The following CDK14 variants were observed in gnomAD, a reference collection of about 807,000 sequenced individuals.
CDK14 encodes the protein cyclin dependent kinase 14, also known as cyclin-dependent kinase 14.
CDK14 carries 34 observed loss-of-function variants against 60.7 expected under a neutral mutation model. That is an observed-to-expected ratio of 0.56 (90% confidence interval 0.43 to 0.75). The LOEUF is 0.75. Ranked by LOEUF, CDK14 falls within the 30% of genes least tolerant of loss-of-function variation. The pLI is 0.00. For synonymous variants in CDK14, 197 were observed against 203.7 expected, an observed-to-expected ratio of 0.97 and a Z score of 0.28; for missense variants, 482 against 564.1, an observed-to-expected ratio of 0.85 and a Z score of 1.47.
At chr7:91,108,871 A>G (rs917850292) in intron 12 of CDK14, among the ~76,000 whole-genome samples, 7 of 152,194 alleles carry the variant, frequency 4.6e-5, no homozygotes, top group Non-Finnish European at 1.0e-4. Flanking sequence ...AAGTTAATTT[A>G]ATGTCTGCAT....
chr7:90,640,962 G>C (rs973148963), intron 2 of CDK14, among the ~76,000 whole-genome samples: 5 of 151,942 alleles, frequency 3.3e-5, no homozygotes, highest in South Asian at 4.2e-4. Context: ...CTTCAAAGAG[G>C]ATATACACAT....
chr7:90,957,005 A>G (rs1039922167), intron 9 of CDK14, among the ~76,000 whole-genome samples: 3 of 150,668 alleles, frequency 2.0e-5, no homozygotes, highest in Admixed American at 6.6e-5. Context: ...TTCTTAATCC[A>G]GTCTATCATT....
chr7:90,812,035 C>T (rs557691005), intron 5 of CDK14, among the ~76,000 whole-genome samples: 3 of 152,282 alleles, frequency 2.0e-5, no homozygotes, highest in African/African-American at 4.8e-5. Flanking sequence ...TAAACTAGTT[C>T]AACCATTGTG....
chr7:90,781,006 T>A (rs980117045), intron 4 of CDK14, among the ~76,000 whole-genome samples: 2 of 152,056 alleles, frequency 1.3e-5, no homozygotes, highest in East Asian at 3.9e-4. Flanking sequence ...TGAACTAGTT[T>A]ACAGTCCCAC....
intron 14 of CDK14, among the ~76,000 whole-genome samples, chr7:91,125,315 A>C (rs1562915241): frequency 1.3e-5 from 2 of 152,228 alleles, no homozygotes; most frequent in Admixed American, 1.3e-4. Context: ...TTCTAGACAG[A>C]TAGCAAATGT....
At chr7:90,607,887 C>A (rs145284527) in intron 2 of CDK14, among the ~76,000 whole-genome samples, 90 of 152,272 alleles carry the variant, frequency 5.9e-4, no homozygotes, top group Non-Finnish European at 9.1e-4. Context: ...TCTAAAATAT[C>A]CCAAGTAAAA....
intron 14 of CDK14, among the ~76,000 whole-genome samples, chr7:91,147,727 A>G (rs1302902674): frequency 4.0e-5 from 6 of 151,780 alleles, no homozygotes; most frequent in Admixed American, 3.9e-4. Flanking sequence ...TTCAAACCAA[A>G]CTCTTTCCCC....
At chr7:91,034,142 A>G (rs17481530) in intron 10 of CDK14, among the ~76,000 whole-genome samples, 16,692 of 152,156 alleles carry the variant, frequency 0.11, 1,137 homozygotes, top group Non-Finnish European at 0.15. Context: ...GACCTTCTGT[A>G]TACAGGCTGA....
chr7:90,596,352 G>C lies in CDK14; in HGVS notation c.-276G>C, dbSNP rs1285687160. 6.4e-6 allele frequency: 1 copy of C among 155,578 alleles called. No individual in the cohort carries two copies. The highest frequency in any genetic ancestry group is 1.4e-5 in the Non-Finnish European group (1 of 70,980). 9.6% of individuals were successfully genotyped at this position (155,578 alleles called of 1,614,324 possible). A position where few individuals can be genotyped will look rare whatever the true frequency, so the allele number is the denominator to read the frequency against. ...GAGGGAAAATGAGCCGGGCGGCGGC[G>C]GCGCGGCGCGGGGCCACCACGGCGG... is the stretch of plus-strand genomic sequence containing the variant. On this transcript the variant is annotated 5_prime_UTR_variant, in exon 1 of 15. Transcript: ENST00000380050.
At chr7:91,136,568 T>TTTTATATATATAAATATATATATATA (rs1317982285) in intron 14 of CDK14, among the ~76,000 whole-genome samples, 2 of 152,218 alleles carry the variant, frequency 1.3e-5, no homozygotes, top group African/African-American at 2.4e-5. Flanking sequence ...TCTTAACACA[T>TTTTATATATATAAATATATATATATA]TTTATATATA....
chr7:90,624,663 T>C (rs941658009), intron 2 of CDK14, among the ~76,000 whole-genome samples: 4 of 152,210 alleles, frequency 2.6e-5, no homozygotes, highest in Non-Finnish European at 4.4e-5. Flanking sequence ...GGTTTGGTGA[T>C]AACAGGAAGC....
rs1022457071 is a variant in CDK14 at position 91,069,988 on chromosome 7, G to A, written c.1106-9444G>A. Among the ~76,000 whole-genome samples the A allele has an allele frequency of 3.9e-5, 6 of 152,004 alleles. 1 individual carries two copies. Among genetic ancestry groups the A allele is most frequent in the Admixed American group, 3.9e-4 (6 of 15,268 alleles). The stretch of plus-strand genomic sequence containing the variant: ...ATTTTTCAATTTTTTTGTAGAGGTG[G>A]GTCTCCCTGTGTTGGCCAAGCTGGT... On this transcript the variant is annotated intron_variant, in intron 11 of 14. Transcript: ENST00000380050.
intron 1 of CDK14, among the ~76,000 whole-genome samples, chr7:90,603,316 C>T (rs1239069908): frequency 6.6e-6 from 1 of 152,164 alleles, no homozygotes; most frequent in African/African-American, 2.4e-5. Flanking sequence ...TGAACAGTCA[C>T]GCATACTTGA....
intron 5 of CDK14, among the ~76,000 whole-genome samples, chr7:90,815,090 C>T (rs534028798): frequency 7.5e-4 from 114 of 152,248 alleles, no homozygotes; most frequent in African/African-American, 2.6e-3. Context: ...TACCTTTTAG[C>T]ACTTACTACA....
intron 8 of CDK14, among the ~76,000 whole-genome samples, chr7:90,940,138 G>A (rs1386154741): frequency 1.3e-5 from 2 of 152,096 alleles, no homozygotes; most frequent in African/African-American, 4.8e-5. Context: ...CAAAATGGGA[G>A]TATAGTGAAA....
chr7:90,840,590 G>A (rs1045465535), intron 5 of CDK14, among the ~76,000 whole-genome samples: 1 of 152,164 alleles, frequency 6.6e-6, no homozygotes, highest in Non-Finnish European at 1.5e-5. Context: ...AGGACTGGTG[G>A]TTGGAGAATT....
At chr7:90,772,739 A>G (rs192167915) in intron 4 of CDK14, among the ~76,000 whole-genome samples, 9 of 152,266 alleles carry the variant, frequency 5.9e-5, no homozygotes, top group Admixed American at 4.6e-4. Context: ...CTTATAAACA[A>G]CCGAGTTTCA....
intron 10 of CDK14, among the ~76,000 whole-genome samples, chr7:90,992,686 G>A (rs1316287744): frequency 6.6e-6 from 1 of 152,198 alleles, no homozygotes; most frequent in Non-Finnish European, 1.5e-5. Context: ...TTGAGGCAGA[G>A]GGAGTAGCAA....
chr7:90,681,630 T>C (rs1801319475), intron 2 of CDK14, among the ~76,000 whole-genome samples: 1 of 152,184 alleles, frequency 6.6e-6, no homozygotes, highest in African/African-American at 2.4e-5. Flanking sequence ...TAAAAAAGAA[T>C]GTGGCTGTTT....
Sources: gnomAD v4.1 joint callset for allele counts (sites outside exome capture counted in the v4.1 genomes callset) on GRCh38, gnomAD v4.1.1 for gene constraint, MANE v1.5 for transcripts, NCBI Gene and HGNC (gene_info 2026-07-23, HGNC 2026-07-21) for gene names.